The following MYL3 variants were observed in gnomAD, a reference collection of about 807,000 sequenced individuals.
MYL3 encodes myosin light chain 3.
Under a neutral mutation model 21.3 loss-of-function variants are expected in MYL3, and 11 were observed. The observed-to-expected ratio is 0.52, with a 90% confidence interval of 0.32 to 0.85. MYL3 has a LOEUF of 0.85. Among genes scored for constraint, MYL3 ranks in the 40% least tolerant of loss-of-function variants. The pLI, the probability that MYL3 is intolerant of heterozygous loss-of-function variation, is 0.03. For missense variants in MYL3, 206 were observed against 253.3 expected (o/e 0.81, Z 1.27); for synonymous variants, 88 against 91.6 (o/e 0.96, Z 0.22).
chr3:46,870,699 C>T (rs1351882614), intron 1 of MYL3, among the ~76,000 whole-genome samples: 1 of 152,158 alleles, frequency 6.6e-6, no homozygotes, highest in South Asian at 2.1e-4. Context: ...GAAACACACA[C>T]GCACTATCCC....
At position 46,860,636 on chromosome 3, in the gene MYL3, C is replaced by T. The variant is rs540550450; in HGVS notation, c.307+40G>A. 9.3e-6 allele frequency: 15 copies of T among 1,608,864 alleles called. No individual in the cohort carries two copies. The East Asian group carries it at 1.3e-4, about 14-fold the overall frequency. ...TGGCAGCCCACCCAGCCAGTCTCCCCGGTACTAACACTATGGGGGCTCTCG... is the reference window on the plus strand; with the variant it reads ...TGGCAGCCCACCCAGCCAGTCTCCCTGGTACTAACACTATGGGGGCTCTCG... On this transcript the variant is annotated intron_variant, in intron 3 of 6. Coordinates refer to ENST00000292327, the MANE Select transcript of MYL3 (RefSeq NM_000258.3). This position sits in a 1 kb window ranked among gnomAD's most constrained non-coding sequence, Gnocchi z 4.6.
chr3:46,875,143 T>C (rs907480509), intron 1 of MYL3, among the ~76,000 whole-genome samples: 4 of 152,204 alleles, frequency 2.6e-5, no homozygotes, highest in African/African-American at 7.2e-5. Context: ...TTGAACACTG[T>C]TGCTGCCTCC....
chr3:46,881,482 G>A (rs1010851737), intron 1 of MYL3, among the ~76,000 whole-genome samples: 1 of 152,152 alleles, frequency 6.6e-6, no homozygotes, highest in Non-Finnish European at 1.5e-5. Context: ...GAGAGTGGGT[G>A]TCTGGATTGA....
chr3:46,861,016 C>A lies in MYL3; in HGVS notation c.130-29G>T, dbSNP rs562698157. On this transcript the variant is annotated intron_variant, in intron 1 of 6. Transcript: ENST00000292327. The surrounding 1 kb of genome is among the most constrained non-coding windows in gnomAD (Gnocchi z 4.2). ...AAAAGAGACCCCAAAGACTCAGATG[C>A]CCGGCTTAAAAGGTGGGGCCACACC... 16 of 1,613,872 alleles carry A rather than the reference C, an allele frequency of 9.9e-6. No individual in the cohort carries two copies. The East Asian group carries it at 3.1e-4, about 31-fold the overall frequency.
Position 46,859,545 on chromosome 3 carries a change from C to T in MYL3, c.411G>A (p.Leu137=), listed in dbSNP as rs2233265. The T allele has an allele frequency of 1.5e-5, 24 of 1,614,130 alleles. No homozygotes were observed. The Admixed American group carries it at 4.0e-4, about 27-fold the overall frequency. ...TGTYEDFVEG[L]RVFDKEGNGT... ...CATTGCCCTCCTTGTCGAAGACCCG[C>T]AGCCCCTCCACGAAGTCCTCATAGG... The change falls in exon 4 of 7, where the codon CTG becomes CTA. Residue 137 remains leucine, a synonymous_variant. Coordinates refer to ENST00000292327, the MANE Select transcript of MYL3 (RefSeq NM_000258.3). This position sits in a 1 kb window ranked among gnomAD's most constrained non-coding sequence, Gnocchi z 4.1.
intron 1 of MYL3, among the ~76,000 whole-genome samples, chr3:46,869,139 T>G (rs911730417): frequency 6.6e-6 from 1 of 152,090 alleles, no homozygotes; most frequent in Non-Finnish European, 1.5e-5. Flanking sequence ...CAGCATGGCC[T>G]GTGGCCTCCC....
intron 1 of MYL3, 24 bp downstream of exon 1, chr3:46,863,238 C>A: frequency 6.2e-7 from 1 of 1,613,670 alleles, no homozygotes; most frequent in South Asian, 1.1e-5. Context: ...GCTCCTATTG[C>A]CACCACCCAG....
upstream of MYL3, among the ~76,000 whole-genome samples, chr3:46,867,545 A>G (rs1286904939): frequency 6.6e-6 from 1 of 152,252 alleles, no homozygotes; most frequent in East Asian, 1.9e-4. Context: ...AGAAGGAGGT[A>G]AGGGCCAGCT....
chr3:46,873,912 T>TGGA (rs1275397602), intron 1 of MYL3, among the ~76,000 whole-genome samples: 1 of 152,202 alleles, frequency 6.6e-6, no homozygotes, highest in Non-Finnish European at 1.5e-5. Context: ...CAGCTGCCAG[T>TGGA]GTCCCCTCCA....
chr3:46,859,173 C>T lies in MYL3; in HGVS notation c.481+302G>A, dbSNP rs1272056937. Among the ~76,000 whole-genome samples the T allele has an allele frequency of 1.3e-5, 2 of 152,048 alleles. No homozygotes were observed. Among genetic ancestry groups the T allele is most frequent in the Admixed American group, 6.5e-5 (1 of 15,282 alleles). ...TTAGGGCTGTGGCCCTGGAATTTGACCTTGGAGTAATGACCACCAGGACGG... is the reference window on the plus strand; with the variant it reads ...TTAGGGCTGTGGCCCTGGAATTTGATCTTGGAGTAATGACCACCAGGACGG... On this transcript the variant is annotated intron_variant, in intron 4 of 6. Transcript: ENST00000292327. The surrounding 1 kb of genome is among the most constrained non-coding windows in gnomAD (Gnocchi z 4.1).
At chr3:46,868,359 C>G (rs1451447600), upstream of MYL3, among the ~76,000 whole-genome samples, 3 of 152,174 alleles carry the variant, frequency 2.0e-5, no homozygotes, top group Non-Finnish European at 2.9e-5. Flanking sequence ...CTCACTACCC[C>G]CACACCACAC....
In MYL3 at chr3:46,859,130, C is replaced by G. The variant is rs148023261; in HGVS notation, c.481+345G>C. ...TCAGGATCCCCCCAGGCGGCAGGCACTTGACCTGCTTGACCACTTAGGGCT... is the reference window on the plus strand; with the variant it reads ...TCAGGATCCCCCCAGGCGGCAGGCAGTTGACCTGCTTGACCACTTAGGGCT... On this transcript the variant is annotated intron_variant, in intron 4 of 6. Coordinates refer to ENST00000292327, the MANE Select transcript of MYL3 (RefSeq NM_000258.3). The surrounding 1 kb of genome is among the most constrained non-coding windows in gnomAD (Gnocchi z 4.1). Among the ~76,000 whole-genome samples the G allele has an allele frequency of 1.8e-3, 273 of 152,254 alleles. No individual in the cohort carries two copies. The highest frequency in any genetic ancestry group is 6.4e-3 in the African/African-American group (265 of 41,546).
At chr3:46,881,480 G>C (rs1234114338) in intron 1 of MYL3, among the ~76,000 whole-genome samples, 2 of 152,174 alleles carry the variant, frequency 1.3e-5, no homozygotes, top group Non-Finnish European at 2.9e-5. Context: ...CTGAGAGTGG[G>C]TGTCTGGATT....
At chr3:46,858,347 T>C (rs1701954151) in intron 5 of MYL3, 37 bp downstream of exon 5, 1 of 1,614,022 alleles carries the variant, frequency 6.2e-7, no homozygotes. Context: ...GTCCCAGCAC[T>C]CCCCTCCCAG....
At chr3:46,866,740 C>T (rs1242559866), upstream of MYL3, 1 of 152,252 alleles carries the variant, frequency 6.6e-6, no homozygotes, top group East Asian at 1.9e-4. Context: ...GGAGATTTGC[C>T]AACTGACTGA....
At chr3:46,872,467 C>A (rs1285958078) in intron 1 of MYL3, among the ~76,000 whole-genome samples, 1 of 141,758 alleles carries the variant, frequency 7.1e-6, no homozygotes, top group Non-Finnish European at 1.5e-5. Context: ...CCACCCCCAA[C>A]CAGCATGCTC....
intron 1 of MYL3, among the ~76,000 whole-genome samples, chr3:46,881,611 G>C (rs2030571777): frequency 6.6e-6 from 1 of 152,232 alleles, no homozygotes; most frequent in African/African-American, 2.4e-5. Flanking sequence ...GCTGGGCAGG[G>C]AGGGAGCGGG....
At chr3:46,866,994 C>G (rs758965861), upstream of MYL3, among the ~76,000 whole-genome samples, 4 of 152,140 alleles carry the variant, frequency 2.6e-5, no homozygotes, top group Non-Finnish European at 4.4e-5. Context: ...AGAATCCCAA[C>G]CCAGACCCCA....
rs199639940 is a variant in MYL3, at chr3:46,863,299, C to T, written c.92G>A (p.Arg31His). 48 of 1,614,100 alleles carry T rather than the reference C, an allele frequency of 3.0e-5. No individual in the cohort carries two copies. The East Asian group carries it at 6.7e-4, about 22-fold the overall frequency. ...PAPAPPPEPE[R>H]PKEVEFDASK... The stretch of plus-strand genomic sequence containing the variant: ...AGCATCAAACTCGACCTCCTTAGGG[C>T]GCTCAGGCTCAGGGGGAGGTGCGGG... Residue 31 changes from arginine to histidine, a missense_variant, in exon 1 of 7, where the codon CGC becomes CAC. Physicochemically the swap from Arg to His is conservative, Grantham distance 29. Coordinates refer to ENST00000292327, the MANE Select transcript of MYL3 (RefSeq NM_000258.3).
Sources: gnomAD v4.1 joint callset for allele counts (sites outside exome capture counted in the v4.1 genomes callset) on GRCh38, gnomAD v4.1.1 for gene constraint, Gnocchi (gnomAD v3.1) non-coding constraint, MANE v1.5 for transcripts, NCBI Gene and HGNC (gene_info 2026-07-23, HGNC 2026-07-21) for gene names.